Variants in ASIP observed in about 807,000 individuals in gnomAD.
The protein encoded by ASIP is agouti-signaling protein.
Under a neutral mutation model 10.3 loss-of-function variants are expected in ASIP, and 11 were observed. That is an observed-to-expected ratio of 1.07 (90% CI 0.68 to 1.78). The LOEUF (loss-of-function observed/expected upper bound fraction) is 1.78. Ranked by LOEUF, ASIP falls within the 40% of genes most tolerant of loss-of-function variation. The pLI is 0.00. For missense variants in ASIP, 180 were observed against 169.2 expected, an observed-to-expected ratio of 1.06 and a Z score of -0.35; for synonymous variants, 70 against 70.8, an observed-to-expected ratio of 0.99 and a Z score of 0.06.
chr20:34,239,491 T>A (rs1014449832), upstream of ASIP, among the ~76,000 whole-genome samples: 2 of 152,182 alleles, frequency 1.3e-5, no homozygotes, highest in Admixed American at 6.5e-5. Context: ...AAATTCTTTA[T>A]CCAAAGCCTT....
At chr20:34,242,083 G>T (rs773504392) in intron 1 of ASIP, among the ~76,000 whole-genome samples, 2 of 152,098 alleles carry the variant, frequency 1.3e-5, no homozygotes, top group African/African-American at 2.4e-5. Context: ...AGGTGAGTTC[G>T]CTCTGCTTCA....
intron 1 of ASIP, chr20:34,215,532 A>C: frequency 6.6e-7 from 1 of 1,518,890 alleles, no homozygotes; most frequent in Non-Finnish European, 9.1e-7. Context: ...AACTTGGGCC[A>C]CTTAGTGAGA....
intron 1 of ASIP, among the ~76,000 whole-genome samples, chr20:34,244,776 C>G (rs547578756): frequency 6.6e-6 from 1 of 152,248 alleles, no homozygotes; most frequent in South Asian, 2.1e-4. Context: ...AAATAATCTC[C>G]AGAATAGCTC....
chr20:34,215,055 A>G (rs2034998463), intron 1 of ASIP: 2 of 1,525,474 alleles, frequency 1.3e-6, no homozygotes, highest in Non-Finnish European at 1.8e-6. Context: ...CTTCCTGGTC[A>G]ATGCTGAAAA....
At chr20:34,247,540 AC>A (rs949772377) in intron 1 of ASIP, among the ~76,000 whole-genome samples, 27 of 151,528 alleles carry the variant, frequency 1.8e-4, no homozygotes, top group African/African-American at 6.3e-4. Flanking sequence ...CTCGTGATCC[AC>A]CCACCTCAGC....
chr20:34,197,636 CT>C (rs1308086635), intron 1 of ASIP, among the ~76,000 whole-genome samples: 5 of 152,112 alleles, frequency 3.3e-5, no homozygotes, highest in Non-Finnish European at 7.3e-5. Context: ...ATACCTAGTC[CT>C]TGGCATTTCT....
chr20:34,259,597 T>C (rs2035653740), intron 1 of ASIP, among the ~76,000 whole-genome samples: 2 of 151,764 alleles, frequency 1.3e-5, no homozygotes, highest in African/African-American at 4.8e-5. Flanking sequence ...AATACAAAAA[T>C]TAGCCTGGCA....
the ASIP span, among the ~76,000 whole-genome samples, chr20:34,186,916 C>G: frequency 6.6e-6 from 1 of 152,062 alleles, no homozygotes; most frequent in African/African-American, 2.4e-5. Flanking sequence ...TGGGTTCAAG[C>G]GATTCTCCTG....
chr20:34,227,396 G>T (rs1242157640), intron 1 of ASIP, among the ~76,000 whole-genome samples: 1 of 152,110 alleles, frequency 6.6e-6, no homozygotes, highest in Non-Finnish European at 1.5e-5. Flanking sequence ...ACTTAGGGAG[G>T]CCGAGGCAGG....
chr20:34,245,952 T>C, intron 1 of ASIP: 1 of 1,521,752 alleles, frequency 6.6e-7, no homozygotes, highest in Non-Finnish European at 9.0e-7. Flanking sequence ...AATTTTCAAA[T>C]TCACTTCTTT....
At chr20:34,205,594 T>C (rs2034930401) in intron 1 of ASIP, among the ~76,000 whole-genome samples, 1 of 124,514 alleles carries the variant, frequency 8.0e-6, no homozygotes, top group African/African-American at 4.5e-5. Flanking sequence ...CTACTGGCTC[T>C]GGTTGCCTGC....
chr20:34,199,880 T>A (rs2034881660), intron 1 of ASIP, among the ~76,000 whole-genome samples: 1 of 152,346 alleles, frequency 6.6e-6, no homozygotes, highest in South Asian at 2.1e-4. Flanking sequence ...TTTAAAATAT[T>A]GCATCAAATG....
intron 1 of ASIP, among the ~76,000 whole-genome samples, chr20:34,226,173 C>T (rs2035091697): frequency 6.6e-6 from 1 of 152,152 alleles, no homozygotes; most frequent in African/African-American, 2.4e-5. Flanking sequence ...GCTGGAATTA[C>T]AGGCGTGAGC....
At chr20:34,192,141 A>T (rs991253575), upstream of ASIP, among the ~76,000 whole-genome samples, 2 of 151,990 alleles carry the variant, frequency 1.3e-5, no homozygotes, top group Non-Finnish European at 2.9e-5. Context: ...GATTCAAGTG[A>T]TTCTTCTGCC....
intron 1 of ASIP, among the ~76,000 whole-genome samples, chr20:34,234,502 C>CTCCT (rs145098261): frequency 6.0e-4 from 91 of 151,206 alleles, no homozygotes; most frequent in East Asian, 1.2e-3. Context: ...CTTTTCTTTT[C>CTCCT]TCCTTCCTTC....
intron 1 of ASIP, among the ~76,000 whole-genome samples, chr20:34,216,970 T>C (rs2035013035): frequency 6.6e-6 from 1 of 152,206 alleles, no homozygotes; most frequent in African/African-American, 2.4e-5. Flanking sequence ...TATATGATGT[T>C]ATCTCTCTCC....
chr20:34,246,683 C>A lies in ASIP; in HGVS notation c.-11+5194C>A, dbSNP rs1035439255. On this transcript the variant is annotated intron_variant, in intron 1 of 3. Transcript: ENST00000374954. The stretch of plus-strand genomic sequence containing the variant: ...ATGTTGCCCAGGCTGGTCTTGAACT[C>A]CTGACCTCAAGTGATCTGCCCACCT... 23 of 470,404 alleles carry A rather than the reference C, an allele frequency of 4.9e-5. No homozygotes were observed. The Middle Eastern group carries it at 2.5e-3, about 52-fold the overall frequency. 29.1% of individuals were successfully genotyped at this position (470,404 alleles called of 1,614,324 possible). A position where few individuals can be genotyped will look rare whatever the true frequency, so the allele number is the denominator to read the frequency against.
intron 1 of ASIP, among the ~76,000 whole-genome samples, chr20:34,223,089 A>C (rs2035061214): frequency 7.1e-6 from 1 of 140,214 alleles, no homozygotes; most frequent in African/African-American, 2.7e-5. Context: ...CTGGCCGCCC[A>C]TCATCTGGGA....
At chr20:34,245,132 G>C (rs189513036) in intron 1 of ASIP, among the ~76,000 whole-genome samples, 8 of 151,780 alleles carry the variant, frequency 5.3e-5, no homozygotes, top group African/African-American at 1.9e-4. Flanking sequence ...TCAGGAGTTC[G>C]AGACCAGCCT....
Sources: gnomAD v4.1 joint callset for allele counts (sites outside exome capture counted in the v4.1 genomes callset) on GRCh38, gnomAD v4.1.1 for gene constraint, MANE v1.5 for transcripts, NCBI Gene and HGNC (gene_info 2026-07-23, HGNC 2026-07-21) for gene names.